Variants in BAHCC1 observed in about 807,000 individuals in gnomAD.
BAHCC1 encodes BAH domain and coiled-coil containing 1.
Under a neutral mutation model 88.2 loss-of-function variants are expected in BAHCC1, and 43 were observed. The ratio of observed to expected loss-of-function variants is 0.49; its 90% confidence interval spans 0.38 to 0.63. BAHCC1 has a LOEUF of 0.63. BAHCC1 is among the 20% of genes least tolerant of loss of function. The pLI is 0.00. For synonymous variants in BAHCC1, 1,510 were observed against 745.5 expected, an observed-to-expected ratio of 2.03 and a Z score of -16.71; for missense variants, 3,023 against 1,654.8, an observed-to-expected ratio of 1.83 and a Z score of -14.34.
chr17:81,399,297 C>A lies in BAHCC1; in HGVS notation c.-206-237C>A, dbSNP rs571448220. On this transcript the variant is annotated intron_variant, in intron 1 of 27. Coordinates refer to ENST00000675386, the MANE Select transcript of BAHCC1 (RefSeq NM_001377448.1). This position sits in a 1 kb window ranked among gnomAD's most constrained non-coding sequence, Gnocchi z 4.5. ...CAGTGCGGCTGGGTTCCCCCGGCTG[C>A]CCCGGGCCAAGCGTGGCCGGGACGG... 8.6e-3 allele frequency: 2,628 copies of A among 305,556 alleles called. 29 individuals carry two copies. Among genetic ancestry groups the A allele is most frequent in the Non-Finnish European group, 0.013 (1,986 of 148,720 alleles). The allele number at this position is 305,556 out of a possible 1,614,324, so 18.9% of individuals were successfully genotyped here.
chr17:81,432,611 C>CT (rs2064276757), intron 3 of BAHCC1, among the ~76,000 whole-genome samples: 1 of 129,014 alleles, frequency 7.8e-6, no homozygotes, highest in African/African-American at 3.0e-5. Context: ...AACCTCCGTC[C>CT]CCAGCCCTGG....
intron 2 of BAHCC1, among the ~76,000 whole-genome samples, chr17:81,425,238 G>C (rs1445106918): frequency 3.5e-5 from 3 of 85,646 alleles, no homozygotes. Context: ...TGATGTGGTT[G>C]GGGGTGATAG....
rs144574909 is a variant in BAHCC1 at position 81,457,406 on chromosome 17, C to G, written c.4859-4C>G. 783 of 766,324 alleles carry G rather than the reference C, an allele frequency of 1.0e-3. 1 individual carries two copies. The highest frequency in any genetic ancestry group is 3.2e-3 in the Middle Eastern group (14 of 4,434). 47.5% of individuals were successfully genotyped at this position (766,324 alleles called of 1,614,324 possible). On this transcript the variant is annotated splice_polypyrimidine_tract_variant and splice_region_variant and intron_variant, in intron 16 of 27. Transcript: ENST00000675386. ...TCATCAGGACCCCTCTGCCTCTCTCCCAGGCAGTGGCTATGACAGTGAGGA... is the reference window on the plus strand; with the variant it reads ...TCATCAGGACCCCTCTGCCTCTCTCGCAGGCAGTGGCTATGACAGTGAGGA...
intron 2 of BAHCC1, among the ~76,000 whole-genome samples, chr17:81,418,963 C>T (rs2064079004): frequency 6.6e-6 from 1 of 151,358 alleles, no homozygotes; most frequent in Non-Finnish European, 1.5e-5. Flanking sequence ...TGCCTCTGTG[C>T]AAGTGTGAGT....
At chr17:81,408,186 TC>T in intron 2 of BAHCC1, among the ~76,000 whole-genome samples, 1 of 152,148 alleles carries the variant, frequency 6.6e-6, no homozygotes, top group East Asian at 1.9e-4. Flanking sequence ...AGGAGGACAT[TC>T]CCGTCAAGAT....
chr17:81,444,153 C>T (rs2064477508), intron 6 of BAHCC1: 1 of 602,580 alleles, frequency 1.7e-6, no homozygotes. Context: ...CAGGAGATGG[C>T]CCCCAGTCAG....
intron 2 of BAHCC1, among the ~76,000 whole-genome samples, chr17:81,419,802 T>TC (rs527524634): frequency 1.3e-5 from 2 of 150,692 alleles, no homozygotes; most frequent in South Asian, 4.2e-4. Context: ...TTTTTTTTTT[T>TC]TTTTTTTTAC....
At chr17:81,452,647 C>T in intron 13 of BAHCC1, 76 bp from the exon 14 acceptor site, 1 of 624,532 alleles carries the variant, frequency 1.6e-6, no homozygotes, top group Non-Finnish European at 2.9e-6. Flanking sequence ...CCTCGAAGGC[C>T]AATGCCCTCG....
chr17:81,400,176 C>T (rs1011327867), intron 2 of BAHCC1, among the ~76,000 whole-genome samples: 9 of 152,048 alleles, frequency 5.9e-5, no homozygotes, highest in Non-Finnish European at 7.4e-5. Flanking sequence ...AAATTAAAGC[C>T]TTTCCGCGCC....
At chr17:81,463,009 C>T (rs79478942) in intron 27 of BAHCC1, 33 bp downstream of exon 27, 59,209 of 767,018 alleles carry the variant, frequency 0.077, 2,928 homozygotes, top group African/African-American at 0.18. Context: ...GCCCAGCCCC[C>T]CTCGGGGCCC....
At chr17:81,413,785 T>G (rs2063985514) in intron 2 of BAHCC1, among the ~76,000 whole-genome samples, 1 of 152,210 alleles carries the variant, frequency 6.6e-6, no homozygotes, top group South Asian at 2.1e-4. Context: ...CAGCAACTGT[T>G]CGTGTACCAG....
In BAHCC1 at chr17:81,443,416, C is replaced by T. The variant is rs377427998; in HGVS notation, c.2067C>T (p.His689=). Residue 689 remains histidine, a synonymous_variant, in exon 5 of 28, where the codon CAC becomes CAT. Transcript: ENST00000675386. ...ERPDCARSRE[H]DTTHGDGEVR... Reference sequence around the variant, plus strand: ...CGGACTGTGCCCGCAGCAGGGAGCACGACACCACGCACGGCGACGGGGAGG... The same window carrying T: ...CGGACTGTGCCCGCAGCAGGGAGCATGACACCACGCACGGCGACGGGGAGG... 168 of 768,050 alleles carry T rather than the reference C, an allele frequency of 2.2e-4. 1 individual carries two copies. The highest frequency in any genetic ancestry group is 3.2e-4 in the African/African-American group (19 of 58,896). 47.6% of individuals were successfully genotyped at this position (768,050 alleles called of 1,614,324 possible).
chr17:81,415,492 G>A (rs372810371), intron 2 of BAHCC1: 1 of 509,512 alleles, frequency 2.0e-6, no homozygotes, highest in Admixed American at 2.0e-5. Context: ...ACCAAAAGCA[G>A]TTGGCTGGGA....
rs370867865 is a variant in BAHCC1 at position 81,458,811 on chromosome 17, A to G, written c.5449-2A>G. 60 of 763,168 alleles carry G rather than the reference A, an allele frequency of 7.9e-5. No homozygotes were observed. The highest frequency in any genetic ancestry group is 3.7e-4 in the African/African-American group (22 of 58,968). The allele number at this position is 763,168 out of a possible 1,614,324, so 47.3% of individuals were successfully genotyped here. On this transcript the variant is annotated splice_acceptor_variant, in intron 19 of 27. Transcript: ENST00000675386. LOFTEE classifies it high-confidence loss of function. The stretch of plus-strand genomic sequence containing the variant: ...CCCAAGCCTGACTCCTCTGGCCCCC[A>G]GGGCAAGGGCCGGGCCGTGAGCCGC...
chr17:81,458,499 G>T, intron 18 of BAHCC1, 33 bp downstream of exon 18: 1 of 672,824 alleles, frequency 1.5e-6, no homozygotes, highest in East Asian at 2.7e-5. Flanking sequence ...TGGGCGGAGA[G>T]GGTGGGTGCC....
chr17:81,442,963 A>G lies in BAHCC1; in HGVS notation c.1614A>G (p.Ala538=), dbSNP rs782472181. ...AAGCCCCGGCCGGCCCCCCAGGGGCACAGAAGGTGGCCCGCATCAGGCACC... is the reference window on the plus strand; with the variant it reads ...AAGCCCCGGCCGGCCCCCCAGGGGCGCAGAAGGTGGCCCGCATCAGGCACC... ...GKEAPAGPPG[A]QKVARIRHQQ... is the part of the protein sequence containing the mutation. The change falls in exon 5 of 28, where the codon GCA becomes GCG. Residue 538 remains alanine, a synonymous_variant. Coordinates refer to ENST00000675386, the MANE Select transcript of BAHCC1 (RefSeq NM_001377448.1). The G allele has an allele frequency of 1.3e-6, 1 of 779,114 alleles. No individual in the cohort carries two copies. Among genetic ancestry groups the G allele is most frequent in the South Asian group, 1.3e-5 (1 of 74,620 alleles). The allele number at this position is 779,114 out of a possible 1,614,324, so 48.3% of individuals were successfully genotyped here. A position where few individuals can be genotyped will look rare whatever the true frequency, so the allele number is the denominator to read the frequency against.
At chr17:81,404,819 G>A (rs1555646598) in intron 2 of BAHCC1, among the ~76,000 whole-genome samples, 1 of 152,162 alleles carries the variant, frequency 6.6e-6, no homozygotes. Context: ...CTGTCCCCTG[G>A]CGGGCACCTT....
At chr17:81,427,792 C>T (rs922294201) in intron 3 of BAHCC1, among the ~76,000 whole-genome samples, 32 of 152,326 alleles carry the variant, frequency 2.1e-4, no homozygotes, top group African/African-American at 6.7e-4. Context: ...CAGGGCTCTC[C>T]GCTCCTGGCA....
intron 2 of BAHCC1, among the ~76,000 whole-genome samples, chr17:81,420,679 C>T (rs139942925): frequency 3.3e-5 from 5 of 152,386 alleles, no homozygotes; most frequent in South Asian, 4.1e-4. Context: ...GGCCAGAGCC[C>T]GGTCTGGATC....
Sources: gnomAD v4.1 joint callset for allele counts (sites outside exome capture counted in the v4.1 genomes callset) on GRCh38, gnomAD v4.1.1 for gene constraint, Gnocchi (gnomAD v3.1) non-coding constraint, MANE v1.5 for transcripts, NCBI Gene and HGNC (gene_info 2026-07-23, HGNC 2026-07-21) for gene names.